Variants in PDE4A observed in about 807,000 individuals in gnomAD.
PDE4A encodes phosphodiesterase 4A, also known as 3',5'-cyclic-AMP phosphodiesterase 4A.
PDE4A carries 21 observed loss-of-function variants against 73.9 expected under a neutral mutation model. The observed-to-expected ratio is 0.28, with a 90% confidence interval of 0.20 to 0.41. The LOEUF (loss-of-function observed/expected upper bound fraction) is 0.41. PDE4A is among the 10% of genes least tolerant of loss of function. The probability of loss-of-function intolerance (pLI) is 1.00; values close to 1 mark genes in which losing one functional copy is unlikely to be tolerated. For missense variants in PDE4A, 958 were observed against 1,211.4 expected (o/e 0.79, Z 3.10); for synonymous variants, 463 against 505.4 (o/e 0.92, Z 1.13).
Position 10,446,350 on chromosome 19 carries a change from C to T in PDE4A, c.453C>T (p.Asp151=), listed in dbSNP as rs2043004341. The T allele has an allele frequency of 1.2e-6, 2 of 1,613,864 alleles. No homozygotes were observed. Among genetic ancestry groups the T allele is most frequent in the African/African-American group, 2.7e-5 (2 of 74,944 alleles). The change falls in exon 2 of 15, where the codon GAC becomes GAT. Residue 151 remains aspartate, a synonymous_variant. Coordinates refer to ENST00000380702, the MANE Select transcript of PDE4A (RefSeq NM_001111307.2). ...GGGAGTCCTTCCTGTACCGCTCAGA[C>T]AGCGACTATGACATGTCACCCAAGA... The part of the protein sequence containing the change: ...QRRESFLYRS[D]SDYDMSPKTM...
At chr19:10,456,857 T>C (rs78902064) in intron 7 of PDE4A, among the ~76,000 whole-genome samples, 5,072 of 152,166 alleles carry the variant, frequency 0.033, 217 homozygotes, top group African/African-American at 0.099. Context: ...AGTTTATCAC[T>C]ACACTCCAAA....
intron 1 of PDE4A, among the ~76,000 whole-genome samples, chr19:10,429,709 A>G (rs190314532): frequency 6.6e-6 from 1 of 152,092 alleles, no homozygotes; most frequent in African/African-American, 2.4e-5. Flanking sequence ...GTCCCCAAGG[A>G]CTGTGGGGTG....
intron 1 of PDE4A, chr19:10,432,699 C>T: frequency 2.3e-6 from 2 of 856,278 alleles, no homozygotes; most frequent in Non-Finnish European, 3.4e-6. Flanking sequence ...GGCTGGGGCC[C>T]CACCCCCTTT....
chr19:10,462,817 C>T (rs1300885076), intron 13 of PDE4A, among the ~76,000 whole-genome samples: 1 of 152,124 alleles, frequency 6.6e-6, no homozygotes, highest in Admixed American at 6.6e-5. Flanking sequence ...CTCCATCTCC[C>T]ACACACCTCT....
rs753699512 is a variant in PDE4A, at chr19:10,459,478, A to G, written c.1180A>G (p.Ile394Val). The G allele has an allele frequency of 6.2e-7, 1 of 1,614,064 alleles. No homozygotes were observed. The highest frequency in any genetic ancestry group is 8.5e-7 in the Non-Finnish European group (1 of 1,179,966). Residue 394 changes from isoleucine to valine, a missense_variant, in exon 9 of 15, where the codon ATC (isoleucine) becomes GTC (valine). Ile to Val is a conservative substitution (Grantham distance 29). Coordinates refer to ENST00000380702, the MANE Select transcript of PDE4A (RefSeq NM_001111307.2). ...CGCTGGAGGCCGCTCACTCACCTGC[A>G]TCATGTACATGATATTCCAGGTGAT... ...DYAGGRSLTC[I>V]MYMIFQERDL...
At chr19:10,442,565 G>A (rs575560037) in intron 1 of PDE4A, among the ~76,000 whole-genome samples, 2 of 151,958 alleles carry the variant, frequency 1.3e-5, no homozygotes, top group African/African-American at 2.4e-5. Context: ...AAGAAGACAC[G>A]CTTTAGGCAT....
intron 10 of PDE4A, 74 bp from the exon 11 acceptor site, chr19:10,460,930 G>A (rs1226016699): frequency 7.4e-6 from 11 of 1,495,170 alleles, no homozygotes; most frequent in African/African-American, 6.9e-5. Context: ...TCCTAAGTAG[G>A]TGAGACAAAC....
At chr19:10,448,634 T>TA (rs573277641) in intron 2 of PDE4A, among the ~76,000 whole-genome samples, 213 of 134,532 alleles carry the variant, frequency 1.6e-3, no homozygotes, top group East Asian at 6.7e-3. Flanking sequence ...AGACTCTGTC[T>TA]AAAAAAAAAA....
At position 10,467,072 on chromosome 19, in the gene PDE4A, T is replaced by G; in HGVS notation, c.2112T>G (p.Pro704=). The G allele has an allele frequency of 1.9e-6, 3 of 1,614,104 alleles. No homozygotes were observed. The highest frequency in any genetic ancestry group is 2.5e-6 in the Non-Finnish European group (3 of 1,180,014). The change falls in exon 15 of 15, where the codon CCT becomes CCG. Residue 704 remains proline, a synonymous_variant. Coordinates refer to ENST00000380702, the MANE Select transcript of PDE4A (RefSeq NM_001111307.2). Reference sequence around the variant, plus strand: ...GGGGGCCAGGCCACCCACCCCTGCCTGACAAGTTCCAGTTTGAGCTGACGC... The same window carrying G: ...GGGGGCCAGGCCACCCACCCCTGCCGGACAAGTTCCAGTTTGAGCTGACGC... The part of the protein sequence containing the change: ...ESRGPGHPPL[P]DKFQFELTLE...
At chr19:10,465,029 A>G (rs1172166083) in intron 14 of PDE4A, among the ~76,000 whole-genome samples, 1 of 151,248 alleles carries the variant, frequency 6.6e-6, no homozygotes, top group Non-Finnish European at 1.5e-5. Flanking sequence ...TCCCCACTTT[A>G]TATCCTCCCT....
At chr19:10,444,536 T>G (rs1599427153) in intron 1 of PDE4A, among the ~76,000 whole-genome samples, 1 of 151,334 alleles carries the variant, frequency 6.6e-6, no homozygotes, top group Middle Eastern at 3.4e-3. Flanking sequence ...AAATTTTAGC[T>G]GGGTTGGTCA....
chr19:10,419,000 C>A, upstream of PDE4A: 1 of 983,508 alleles, frequency 1.0e-6, no homozygotes, highest in Non-Finnish European at 1.2e-6. Flanking sequence ...TTCGCCCACG[C>A]CGGGAGCCCC....
Position 10,454,847 on chromosome 19 carries a change from C to T in PDE4A, c.802C>T (p.Arg268Cys). 1 of 1,614,048 alleles carries T rather than the reference C, an allele frequency of 6.2e-7. No homozygotes were observed. Among genetic ancestry groups the T allele is most frequent in the Non-Finnish European group, 8.5e-7 (1 of 1,179,968 alleles). The change falls in exon 7 of 15, where the codon CGT becomes TGT. Residue 268 changes from arginine (R) to cysteine (C), a missense_variant. Physicochemically the swap from Arg to Cys is radical, Grantham distance 180. Around this residue, in one of 3 missense-constraint regions of PDE4A, gnomAD observed 570 missense variants for 827.7 expected, o/e 0.69. Coordinates refer to ENST00000380702, the MANE Select transcript of PDE4A (RefSeq NM_001111307.2). Reference sequence around the variant, plus strand: ...ACCTTAGTTCAAAAGGATGTTGAACCGTGAGCTCACACACCTGTCAGAAAT... The same window carrying T: ...ACCTTAGTTCAAAAGGATGTTGAACTGTGAGCTCACACACCTGTCAGAAAT... ...ASHKFKRMLNRELTHLSEMSR... is the reference protein window; with the variant it reads ...ASHKFKRMLNCELTHLSEMSR...
chr19:10,438,491 T>C (rs921179754), intron 1 of PDE4A, among the ~76,000 whole-genome samples: 2 of 152,106 alleles, frequency 1.3e-5, no homozygotes, highest in Non-Finnish European at 2.9e-5. Context: ...TGGCACCCAC[T>C]CTTCTACTTT....
At position 10,468,617 on chromosome 19, in the gene PDE4A, A is replaced by G. The variant is rs1342311938; in HGVS notation, c.*996A>G. The G allele has an allele frequency of 6.6e-6, 1 of 150,858 alleles. No homozygotes were observed. The highest frequency in any genetic ancestry group is 1.5e-5 in the Non-Finnish European group (1 of 67,702). 9.3% of individuals were successfully genotyped at this position (150,858 alleles called of 1,614,324 possible). A position where few individuals can be genotyped will look rare whatever the true frequency, so the allele number is the denominator to read the frequency against. On this transcript the variant is annotated 3_prime_UTR_variant, in exon 15 of 15. Transcript: ENST00000380702. ...GCAGGGCCAGGCGCCCAGAACCCCC[A>G]TCCTGGCCGCACCCCCCTTTCCAGG...
intron 4 of PDE4A, among the ~76,000 whole-genome samples, chr19:10,449,855 G>C (rs2043064769): frequency 6.6e-6 from 1 of 151,942 alleles, no homozygotes; most frequent in African/African-American, 2.4e-5. Context: ...AGCACTTTGG[G>C]AGGCCAAGGC....
At chr19:10,430,982 C>A in intron 1 of PDE4A, 1 of 1,564,434 alleles carries the variant, frequency 6.4e-7, no homozygotes, top group East Asian at 2.4e-5. Context: ...GTTCGCCGCC[C>A]TCCTCGCCCG....
intron 1 of PDE4A, among the ~76,000 whole-genome samples, chr19:10,442,889 A>T (rs2042956863): frequency 6.7e-6 from 1 of 150,158 alleles, no homozygotes; most frequent in Admixed American, 6.7e-5. Flanking sequence ...GTGCATATAC[A>T]TGTATGCAAT....
chr19:10,428,694 C>T lies in PDE4A; in HGVS notation c.320+7610C>T, dbSNP rs755866554. 1.3e-5 allele frequency: 10 copies of T among 787,020 alleles called. No individual in the cohort carries two copies. In the South Asian group the frequency reaches 1.7e-4, roughly 14 times the overall value. 48.8% of individuals were successfully genotyped at this position (787,020 alleles called of 1,614,324 possible). On this transcript the variant is annotated intron_variant, in intron 1 of 14. Coordinates refer to ENST00000380702, the MANE Select transcript of PDE4A (RefSeq NM_001111307.2). Reference sequence around the variant, plus strand: ...TTTTACAACTGGGGAAACTGAGGCTCAATGAAATGAAGTGACTAGCCCGAG... The same window carrying T: ...TTTTACAACTGGGGAAACTGAGGCTTAATGAAATGAAGTGACTAGCCCGAG...
Sources: gnomAD v4.1 joint callset for allele counts (sites outside exome capture counted in the v4.1 genomes callset) on GRCh38, gnomAD v4.1.1 for gene constraint, gnomAD v4.1.1 regional missense constraint, MANE v1.5 for transcripts, NCBI Gene and HGNC (gene_info 2026-07-23, HGNC 2026-07-21) for gene names.